SMCHD1: variants seen among roughly 807,000 people sequenced by gnomAD.
SMCHD1 encodes structural maintenance of chromosomes flexible hinge domain containing 1.
Under a neutral mutation model 254.7 loss-of-function variants are expected in SMCHD1, and 78 were observed. The ratio of observed to expected loss-of-function variants is 0.31; its 90% CI spans 0.26 to 0.37. The LOEUF is 0.37. SMCHD1 is among the 10% of genes least tolerant of loss of function. The pLI is 1.00. For synonymous variants in SMCHD1, 766 were observed against 794.9 expected (o/e 0.96, Z 0.61); for missense variants, 1,840 against 2,408.1 (o/e 0.76, Z 4.94).
intron 3 of SMCHD1, among the ~76,000 whole-genome samples, chr18:2,672,488 A>G (rs372827485): frequency 9.2e-5 from 14 of 152,308 alleles, no homozygotes; most frequent in South Asian, 8.3e-4. Context: ...TCGGCCTCCC[A>G]AAGTGTTGAG....
chr18:2,715,712 G>A (rs981544298), intron 17 of SMCHD1, among the ~76,000 whole-genome samples: 2 of 152,000 alleles, frequency 1.3e-5, no homozygotes, highest in African/African-American at 2.4e-5. Context: ...AATTTAAGAA[G>A]TGGGCATGGT....
Position 2,705,677 on chromosome 18 carries a change from T to TA in SMCHD1, c.1843-12dup, listed in dbSNP as rs556665119. ...TTAATACTGAAGCTTTTTTTTTTTT[T>TA]AAAAACTAAATATTAGGTCAAGACA... On this transcript the variant is annotated splice_polypyrimidine_tract_variant and intron_variant, in intron 13 of 47. Coordinates refer to ENST00000320876, the MANE Select transcript of SMCHD1 (RefSeq NM_015295.3). 3.2e-3 allele frequency: 3,918 copies of TA among 1,221,530 alleles called. 7 individuals are homozygous for TA. Among genetic ancestry groups the TA allele is most frequent in the South Asian group, 0.01 (659 of 64,234 alleles). 75.7% of individuals were successfully genotyped at this position (1,221,530 alleles called of 1,614,324 possible). A position where few individuals can be genotyped will look rare whatever the true frequency, so the allele number is the denominator to read the frequency against.
Position 2,680,189 on chromosome 18 carries a change from G to A in SMCHD1, c.638+6044G>A, listed in dbSNP as rs573654035. On this transcript the variant is annotated intron_variant, in intron 5 of 47. Coordinates refer to ENST00000320876, the MANE Select transcript of SMCHD1 (RefSeq NM_015295.3). Reference sequence around the variant, plus strand: ...TCTTCTGCCACAGTCTCTACCAACTGTTCTTTTTCCTGTGTGTGAACCATA... The same window carrying A: ...TCTTCTGCCACAGTCTCTACCAACTATTCTTTTTCCTGTGTGTGAACCATA... Among the ~76,000 whole-genome samples the A allele has an allele frequency of 1.4e-4, 21 of 152,214 alleles. 1 individual carries two copies. Among genetic ancestry groups the A allele is most frequent in the Middle Eastern group, 6.8e-3 (2 of 294 alleles).
At chr18:2,761,693 C>G (rs2075788499) in intron 35 of SMCHD1, among the ~76,000 whole-genome samples, 1 of 152,092 alleles carries the variant, frequency 6.6e-6, no homozygotes, top group Admixed American at 6.6e-5. Context: ...GGGCGCACAC[C>G]TGTAGTCCCA....
intron 44 of SMCHD1, chr18:2,778,928 T>G (rs2076110666): frequency 6.6e-6 from 1 of 152,256 alleles, no homozygotes; most frequent in African/African-American, 2.4e-5. Flanking sequence ...GACTTTAACA[T>G]GGATTTGTTG....
Position 2,698,011 on chromosome 18 carries a change from A to G in SMCHD1, c.1312A>G (p.Thr438Ala), listed in dbSNP as rs1568169300. 1.2e-6 allele frequency: 2 copies of G among 1,613,062 alleles called. No individual in the cohort carries two copies. Among genetic ancestry groups the G allele is most frequent in the Non-Finnish European group, 1.7e-6 (2 of 1,179,232 alleles). Residue 438 changes from threonine (T) to alanine (A), a missense_variant, in exon 10 of 48, where the codon ACT becomes GCT. Thr to Ala is a moderately conservative substitution (Grantham distance 58). Transcript: ENST00000320876. The stretch of plus-strand genomic sequence containing the variant: ...TCATCCATTCTTATATGATAGAGAA[A>G]CTTACCCTGATGATCCATGCTTTCC... ...RYHPFLYDRE[T>A]YPDDPCFPSK...
intron 45 of SMCHD1, 118 bp downstream of exon 45, chr18:2,784,739 T>C: frequency 1.7e-6 from 2 of 1,157,612 alleles, no homozygotes; most frequent in Non-Finnish European, 1.2e-6. Context: ...AAGTAACAAA[T>C]GTAAGTAAGA....
intron 36 of SMCHD1, 33 bp downstream of exon 36, chr18:2,762,269 G>A (rs2075799426): frequency 1.7e-5 from 28 of 1,602,620 alleles, no homozygotes; most frequent in Non-Finnish European, 1.9e-5. Flanking sequence ...ACTGCGAAGG[G>A]TAACAAGAAA....
At chr18:2,682,960 G>C (rs747867792) in intron 5 of SMCHD1, among the ~76,000 whole-genome samples, 7 of 152,138 alleles carry the variant, frequency 4.6e-5, no homozygotes, top group Non-Finnish European at 8.8e-5. Context: ...AGCCTTACTT[G>C]CTGTGATAGA....
intron 29 of SMCHD1, among the ~76,000 whole-genome samples, chr18:2,744,423 GTT>G (rs1225075905): frequency 1.5e-4 from 21 of 142,138 alleles, no homozygotes; most frequent in South Asian, 1.1e-3. Context: ...TGTCAAATCT[GTT>G]TTTTTTTTTT....
intron 36 of SMCHD1, 112 bp downstream of exon 36, chr18:2,762,348 AGG>A: frequency 1.1e-6 from 1 of 948,052 alleles, no homozygotes; most frequent in Non-Finnish European, 1.6e-6. Flanking sequence ...TTAAGGTTAT[AGG>A]GAAAACTTGT....
Position 2,655,834 on chromosome 18 carries a change from C to G in SMCHD1, c.-242C>G. On this transcript the variant is annotated 5_prime_UTR_variant, in exon 1 of 48. Transcript: ENST00000320876. ...GGAGCGCGCCGCGCGTCCCCTTCTCCTCAGGAGTGGCGGGCCGCGGAAGTG... is the reference window on the plus strand; with the variant it reads ...GGAGCGCGCCGCGCGTCCCCTTCTCGTCAGGAGTGGCGGGCCGCGGAAGTG... The G allele has an allele frequency of 2.9e-6, 1 of 344,050 alleles. No individual in the cohort carries two copies. 21.3% of individuals were successfully genotyped at this position (344,050 alleles called of 1,614,324 possible). A position where few individuals can be genotyped will look rare whatever the true frequency, so the allele number is the denominator to read the frequency against.
At chr18:2,746,509 A>C (rs1718807373) in intron 29 of SMCHD1, among the ~76,000 whole-genome samples, 2 of 152,232 alleles carry the variant, frequency 1.3e-5, no homozygotes, top group Admixed American at 1.3e-4. Flanking sequence ...AAACTTTGGC[A>C]GAGGGAACAT....
At chr18:2,661,922 C>T (rs905711496) in intron 1 of SMCHD1, among the ~76,000 whole-genome samples, 3 of 149,224 alleles carry the variant, frequency 2.0e-5, no homozygotes, top group Admixed American at 6.7e-5. Flanking sequence ...TTTGGGAGGC[C>T]GAGGCGGGTG....
rs757001580 is a variant in SMCHD1 at position 2,656,028 on chromosome 18, T to A, written c.-48T>A. 6.3e-4 allele frequency: 819 copies of A among 1,302,738 alleles called. 8 individuals are homozygous for A. The highest frequency in any genetic ancestry group is 2.9e-5 in the Non-Finnish European group (30 of 1,024,226). 80.7% of individuals were successfully genotyped at this position (1,302,738 alleles called of 1,614,324 possible). On this transcript the variant is annotated 5_prime_UTR_variant, in exon 1 of 48. Transcript: ENST00000320876. ...CCGCGCGGAGCGCGCACCTCAGCCCTGAGCCCGGCGGCGGCAGGCGTCGCT... is the reference window on the plus strand; with the variant it reads ...CCGCGCGGAGCGCGCACCTCAGCCCAGAGCCCGGCGGCGGCAGGCGTCGCT...
At chr18:2,758,743 T>G (rs1035410727) in intron 34 of SMCHD1, among the ~76,000 whole-genome samples, 1 of 152,156 alleles carries the variant, frequency 6.6e-6, no homozygotes, top group African/African-American at 2.4e-5. Context: ...GTCTCATTAT[T>G]GTTTTAAAAA....
At chr18:2,720,853 G>T (rs1024012465) in intron 19 of SMCHD1, among the ~76,000 whole-genome samples, 6 of 152,182 alleles carry the variant, frequency 3.9e-5, no homozygotes, top group Non-Finnish European at 8.8e-5. Flanking sequence ...CTGGGCTCAA[G>T]CTATCCTGCT....
At chr18:2,746,091 G>A (rs780655612) in intron 29 of SMCHD1, among the ~76,000 whole-genome samples, 81 of 152,198 alleles carry the variant, frequency 5.3e-4, no homozygotes, top group Non-Finnish European at 4.6e-4. Context: ...GGGAGACCAA[G>A]GTGGAGGAAT....
At chr18:2,760,854 A>C in intron 35 of SMCHD1, 115 bp downstream of exon 35, 1 of 553,890 alleles carries the variant, frequency 1.8e-6, no homozygotes, top group Non-Finnish European at 3.2e-6. Context: ...TATGAATGAA[A>C]TATTTTGTTT....
Sources: gnomAD v4.1 joint callset for allele counts (sites outside exome capture counted in the v4.1 genomes callset) on GRCh38, gnomAD v4.1.1 for gene constraint, MANE v1.5 for transcripts, NCBI Gene and HGNC (gene_info 2026-07-23, HGNC 2026-07-21) for gene names.